CDH13: variants seen among roughly 807,000 people sequenced by gnomAD.
CDH13 encodes cadherin-13.
Under a neutral mutation model 63.8 loss-of-function variants are expected in CDH13, and 24 were observed. The observed-to-expected ratio is 0.38, with a 90% CI of 0.27 to 0.53. CDH13 has a LOEUF of 0.53. Ranked by LOEUF, CDH13 falls within the 20% of genes least tolerant of loss-of-function variation. The pLI is 0.85. For missense variants in CDH13, 1,049 were observed against 903.1 expected (o/e 1.16, Z -2.07); for synonymous variants, 503 against 355.3 (o/e 1.42, Z -4.67).
chr16:83,382,017 C>G (rs539069050), intron 6 of CDH13, among the ~76,000 whole-genome samples: 2 of 152,226 alleles, frequency 1.3e-5, no homozygotes, highest in Non-Finnish European at 2.9e-5. Flanking sequence ...TCCCTTATGA[C>G]CTAACGGCTT....
At chr16:83,061,925 C>T (rs2031589978) in intron 3 of CDH13, among the ~76,000 whole-genome samples, 1 of 152,100 alleles carries the variant, frequency 6.6e-6, no homozygotes, top group African/African-American at 2.4e-5. Context: ...AAGGAGAGGC[C>T]CTCTAGAGAG....
chr16:83,561,721 G>A (rs915222819), intron 7 of CDH13, among the ~76,000 whole-genome samples: 1 of 152,168 alleles, frequency 6.6e-6, no homozygotes, highest in Non-Finnish European at 1.5e-5. Flanking sequence ...GAGAGATAAT[G>A]TACCTGAATT....
intron 2 of CDH13, among the ~76,000 whole-genome samples, chr16:82,866,152 C>G (rs772060683): frequency 6.6e-6 from 1 of 152,086 alleles, no homozygotes. Context: ...CTTCATCGTA[C>G]ATATTACTAT....
chr16:83,134,390 A>G (rs72800205), intron 4 of CDH13, among the ~76,000 whole-genome samples: 38,966 of 151,842 alleles, frequency 0.26, 5,266 homozygotes, highest in South Asian at 0.35. Flanking sequence ...AGCTTTCACC[A>G]TGTTAGCCAG....
At chr16:83,411,128 C>G (rs2092120139) in intron 6 of CDH13, among the ~76,000 whole-genome samples, 1 of 152,150 alleles carries the variant, frequency 6.6e-6, no homozygotes, top group Non-Finnish European at 1.5e-5. Flanking sequence ...CTTTCTATGG[C>G]TTAAAGGTGC....
In CDH13 at chr16:83,065,885, T is replaced by C. The variant is rs765496682; in HGVS notation, c.366+33667T>C. On this transcript the variant is annotated intron_variant, in intron 3 of 13. Transcript: ENST00000567109. ...CTCTTGCAAAGCCTCTACTAAACCA[T>C]GCCACACCACTGTATAATAACTGGA... 1.2e-4 allele frequency among the ~76,000 whole-genome samples: 19 copies of C among 152,134 alleles called. 1 individual carries two copies. The highest frequency in any genetic ancestry group is 2.2e-4 in the Non-Finnish European group (15 of 68,024).
intron 7 of CDH13, among the ~76,000 whole-genome samples, chr16:83,523,061 C>T (rs770980923): frequency 2.0e-5 from 3 of 152,182 alleles, no homozygotes; most frequent in Non-Finnish European, 2.9e-5. Context: ...AGAAGCATTT[C>T]TGGACCCCCG....
chr16:83,284,280 CAG>C (rs1273512940), intron 5 of CDH13, among the ~76,000 whole-genome samples: 1 of 152,164 alleles, frequency 6.6e-6, no homozygotes, highest in Non-Finnish European at 1.5e-5. Context: ...GTAGTCAAAG[CAG>C]AGAGTTGGTA....
At chr16:83,248,817 C>G (rs1207311715) in intron 5 of CDH13, among the ~76,000 whole-genome samples, 2 of 152,204 alleles carry the variant, frequency 1.3e-5, no homozygotes, top group African/African-American at 2.4e-5. Flanking sequence ...AATTGCCTGT[C>G]TACCACAGAA....
intron 2 of CDH13, among the ~76,000 whole-genome samples, chr16:82,867,678 G>A (rs560465700): frequency 6.6e-6 from 1 of 152,118 alleles, no homozygotes; most frequent in African/African-American, 2.4e-5. Flanking sequence ...AATCAAGCAA[G>A]GAACTTGAAA....
At chr16:83,496,986 G>A (rs566692650) in intron 7 of CDH13, among the ~76,000 whole-genome samples, 1 of 152,288 alleles carries the variant, frequency 6.6e-6, no homozygotes, top group Non-Finnish European at 1.5e-5. Context: ...AGTTAGAATG[G>A]CGATCATTCA....
chr16:82,917,964 G>C (rs551738789), intron 2 of CDH13, among the ~76,000 whole-genome samples: 2 of 150,686 alleles, frequency 1.3e-5, no homozygotes, highest in East Asian at 3.9e-4. Flanking sequence ...CACATGTGAG[G>C]AGCAGCATCC....
chr16:83,277,258 C>G (rs746631515), intron 5 of CDH13, among the ~76,000 whole-genome samples: 1 of 152,166 alleles, frequency 6.6e-6, no homozygotes, highest in Non-Finnish European at 1.5e-5. Flanking sequence ...GGAAAGTCAT[C>G]TACAAATATG....
At chr16:83,294,476 G>A (rs928433718) in intron 5 of CDH13, among the ~76,000 whole-genome samples, 1 of 152,054 alleles carries the variant, frequency 6.6e-6, no homozygotes, top group Non-Finnish European at 1.5e-5. Flanking sequence ...ATTCACATGG[G>A]AATGAGACTA....
chr16:83,516,419 T>A (rs1272899794), intron 7 of CDH13, among the ~76,000 whole-genome samples: 1 of 152,214 alleles, frequency 6.6e-6, no homozygotes, highest in Non-Finnish European at 1.5e-5. Flanking sequence ...TACAGTAAGC[T>A]AAGTATAAGG....
intron 1 of CDH13, among the ~76,000 whole-genome samples, chr16:82,641,932 A>G (rs1323332709): frequency 6.6e-6 from 1 of 152,158 alleles, no homozygotes; most frequent in Non-Finnish European, 1.5e-5. Context: ...GAGGGGGTAG[A>G]TAGCGACAGG....
intron 4 of CDH13, among the ~76,000 whole-genome samples, chr16:83,199,671 G>A (rs2038969572): frequency 6.6e-6 from 1 of 152,286 alleles, no homozygotes; most frequent in East Asian, 1.9e-4. Context: ...GTTACATGTT[G>A]TGTTTCAATG....
At chr16:82,993,268 C>A (rs1469751968) in intron 2 of CDH13, among the ~76,000 whole-genome samples, 2 of 152,142 alleles carry the variant, frequency 1.3e-5, no homozygotes, top group African/African-American at 4.8e-5. Flanking sequence ...GTCTTGGGCT[C>A]TCCCACCGTA....
chr16:83,310,297 G>C (rs531637537), intron 5 of CDH13, among the ~76,000 whole-genome samples: 1 of 152,200 alleles, frequency 6.6e-6, no homozygotes, highest in Non-Finnish European at 1.5e-5. Flanking sequence ...CTAAGATACG[G>C]AGTAATTGCA....
Sources: gnomAD v4.1 joint callset for allele counts (sites outside exome capture counted in the v4.1 genomes callset) on GRCh38, gnomAD v4.1.1 for gene constraint, MANE v1.5 for transcripts, NCBI Gene and HGNC (gene_info 2026-07-23, HGNC 2026-07-21) for gene names.